The following MINPP1 variants were observed in gnomAD, a reference collection of about 807,000 sequenced individuals.
MINPP1 encodes the protein multiple inositol-polyphosphate phosphatase 1.
In MINPP1, 28 loss-of-function variants were observed where a neutral mutation model predicts 46.1. The ratio of observed to expected loss-of-function variants is 0.61; its 90% CI spans 0.45 to 0.83. The LOEUF is 0.83. MINPP1 is among the 40% of genes least tolerant of loss of function. The pLI is 0.00. For synonymous variants in MINPP1, 268 were observed against 249.1 expected, an observed-to-expected ratio of 1.08 and a Z score of -0.72; for missense variants, 603 against 610.0, an observed-to-expected ratio of 0.99 and a Z score of 0.12.
intron 3 of MINPP1, among the ~76,000 whole-genome samples, chr10:87,518,120 C>G (rs879890764): frequency 2.0e-5 from 3 of 151,748 alleles, no homozygotes; most frequent in African/African-American, 7.3e-5. Context: ...CCACCACACC[C>G]GGCTAATTTT....
intron 3 of MINPP1, among the ~76,000 whole-genome samples, chr10:87,519,345 G>T (rs990958935): frequency 6.6e-6 from 1 of 152,168 alleles, no homozygotes; most frequent in Non-Finnish European, 1.5e-5. Context: ...ATCCTGTCAG[G>T]TTCCAAAACC....
chr10:87,526,545 T>C (rs555935826), intron 4 of MINPP1, among the ~76,000 whole-genome samples: 1 of 152,342 alleles, frequency 6.6e-6, no homozygotes, highest in East Asian at 1.9e-4. Context: ...AGCTCTTTAG[T>C]TTAATTAGAT....
Position 87,552,470 on chromosome 10 carries a change from G to A in MINPP1, c.1456G>A (p.Glu486Lys), listed in dbSNP as rs2131848604. ...AGCAAGGGCTAACAGTACATCTGAT[G>A]AACTATGAGTAACTGAAGAACATTT... Reference protein sequence around the residue: ...ELARANSTSDEL With the variant: ...ELARANSTSDKL Residue 486 changes from glutamate (E) to lysine (K), a missense_variant, in exon 5 of 5, where the codon GAA becomes AAA. Physicochemically the swap from Glu to Lys is moderately conservative, Grantham distance 56 (BLOSUM62 1). Around this residue, in one of 3 missense-constraint regions of MINPP1, gnomAD observed 344 missense variants for 381.1 expected, o/e 0.90. Coordinates refer to ENST00000371996, the MANE Select transcript of MINPP1 (RefSeq NM_004897.5). 1 of 1,612,338 alleles carries A rather than the reference G, an allele frequency of 6.2e-7. No individual in the cohort carries two copies. The highest frequency in any genetic ancestry group is 8.5e-7 in the Non-Finnish European group (1 of 1,179,526).
At chr10:87,534,736 T>G (rs1037593331) in intron 4 of MINPP1, among the ~76,000 whole-genome samples, 1 of 152,188 alleles carries the variant, frequency 6.6e-6, no homozygotes, top group African/African-American at 2.4e-5. Context: ...CCCACAACTT[T>G]TTAATAACTG....
intron 4 of MINPP1, among the ~76,000 whole-genome samples, chr10:87,542,538 G>C (rs529460403): frequency 1.3e-5 from 2 of 152,140 alleles, no homozygotes; most frequent in Admixed American, 6.5e-5. Flanking sequence ...GAGCTCAAGT[G>C]ATCTGCCCAC....
At chr10:87,522,038 A>G (rs1361653079) in intron 4 of MINPP1, among the ~76,000 whole-genome samples, 1 of 152,202 alleles carries the variant, frequency 6.6e-6, no homozygotes, top group Non-Finnish European at 1.5e-5. Context: ...GATTGTGGTG[A>G]TTACACAGAC....
At chr10:87,538,296 C>T (rs1851767249) in intron 4 of MINPP1, among the ~76,000 whole-genome samples, 1 of 152,128 alleles carries the variant, frequency 6.6e-6, no homozygotes, top group Non-Finnish European at 1.5e-5. Flanking sequence ...TTCTCACTCC[C>T]ATCTCAGCTG....
intron 3 of MINPP1, among the ~76,000 whole-genome samples, chr10:87,517,295 C>T (rs1028301210): frequency 6.6e-6 from 1 of 152,122 alleles, no homozygotes; most frequent in African/African-American, 2.4e-5. Flanking sequence ...GAAAATATAC[C>T]TCTTCTCAAA....
chr10:87,506,838 C>T (rs1851259423), intron 1 of MINPP1, among the ~76,000 whole-genome samples: 1 of 152,166 alleles, frequency 6.6e-6, no homozygotes, highest in African/African-American at 2.4e-5. Flanking sequence ...TAAGGGATTT[C>T]TCCACTGATT....
intron 4 of MINPP1, among the ~76,000 whole-genome samples, chr10:87,538,885 A>G (rs971095265): frequency 2.0e-5 from 3 of 152,178 alleles, no homozygotes; most frequent in South Asian, 2.1e-4. Flanking sequence ...ATTTGGGGGG[A>G]AAACATGCAA....
At chr10:87,530,647 G>A (rs1851646020) in intron 4 of MINPP1, among the ~76,000 whole-genome samples, 1 of 152,170 alleles carries the variant, frequency 6.6e-6, no homozygotes, top group South Asian at 2.1e-4. Flanking sequence ...CTACTTGGGG[G>A]TCAAGGACCC....
chr10:87,545,960 G>A (rs1398328848), intron 4 of MINPP1, among the ~76,000 whole-genome samples: 1 of 152,150 alleles, frequency 6.6e-6, no homozygotes, highest in Non-Finnish European at 1.5e-5. Flanking sequence ...ATGTCGTGGG[G>A]CAAAATTGGG....
intron 3 of MINPP1, among the ~76,000 whole-genome samples, chr10:87,518,844 G>A (rs1308781024): frequency 1.3e-5 from 2 of 152,216 alleles, no homozygotes; most frequent in Non-Finnish European, 2.9e-5. Context: ...TATGGGGGAA[G>A]GGGCGTGGAG....
At chr10:87,527,243 C>T (rs935074892) in intron 4 of MINPP1, among the ~76,000 whole-genome samples, 4 of 152,098 alleles carry the variant, frequency 2.6e-5, no homozygotes, top group African/African-American at 9.7e-5. Flanking sequence ...TTGTAGTTCT[C>T]CTTGAAGAGG....
rs548519159 is a variant in MINPP1, at chr10:87,522,969, G to A, written c.1067+1800G>A. The stretch of plus-strand genomic sequence containing the variant: ...AATATTCATAGTATCTTCACCAGGC[G>A]TAGATTTCATCTCAAGAAACCACTT... On this transcript the variant is annotated intron_variant, in intron 4 of 4. Transcript: ENST00000371996. Among the ~76,000 whole-genome samples, 28 of 152,246 alleles carry A rather than the reference G, an allele frequency of 1.8e-4. No individual in the cohort carries two copies. In the East Asian group the frequency reaches 2.3e-3, roughly 13 times the overall value.
chr10:87,550,445 G>A (rs1159689569), intron 4 of MINPP1, among the ~76,000 whole-genome samples: 1 of 152,152 alleles, frequency 6.6e-6, no homozygotes, highest in East Asian at 1.9e-4. Flanking sequence ...TAATCTGAAA[G>A]TAGTGAATAA....
At chr10:87,512,063 T>C (rs1851342881) in intron 2 of MINPP1, among the ~76,000 whole-genome samples, 3 of 152,182 alleles carry the variant, frequency 2.0e-5, no homozygotes, top group Admixed American at 1.3e-4. Context: ...GGCAGTAAAA[T>C]TAAAGAAAAA....
intron 3 of MINPP1, among the ~76,000 whole-genome samples, chr10:87,519,019 G>C (rs895097278): frequency 6.6e-6 from 1 of 152,148 alleles, no homozygotes. Context: ...CCCCAGAAAG[G>C]CAGGAAGATT....
At position 87,504,905 on chromosome 10, in the gene MINPP1, C is replaced by T; in HGVS notation, c.-11C>T. 5 of 1,609,132 alleles carry T rather than the reference C, an allele frequency of 3.1e-6. No individual in the cohort carries two copies. Among genetic ancestry groups the T allele is most frequent in the Non-Finnish European group, 4.2e-6 (5 of 1,178,982 alleles). ...CAGCTGGCTCGGCGCACTCCACTGA[C>T]CGTCCCGACGATGCTACGCGCGCCC... On this transcript the variant is annotated 5_prime_UTR_variant, in exon 1 of 5. Coordinates refer to ENST00000371996, the MANE Select transcript of MINPP1 (RefSeq NM_004897.5).
Sources: allele counts gnomAD v4.1 joint callset (sites outside exome capture counted in the v4.1 genomes callset), GRCh38; gene constraint gnomAD v4.1.1; regional missense constraint gnomAD v4.1.1; transcripts MANE v1.5; gene names NCBI Gene and HGNC (gene_info 2026-07-23, HGNC 2026-07-21).